QTMAN: variants seen among roughly 807,000 people sequenced by gnomAD.
The protein encoded by QTMAN is queuosine-tRNA mannosyltransferase.
At chr2:144,218,104 C>T in the QTMAN span, among the ~76,000 whole-genome samples, 2 of 152,098 alleles carry the variant, frequency 1.3e-5, no homozygotes, top group Non-Finnish European at 2.9e-5. Context: ...TAGCAATGGC[C>T]GTGACGATTT....
At chr2:144,094,150 A>G in the QTMAN span, among the ~76,000 whole-genome samples, 1 of 152,206 alleles carries the variant, frequency 6.6e-6, no homozygotes, top group African/African-American at 2.4e-5. Context: ...AAATGTCAAG[A>G]TGTGATTTTG....
At chr2:144,153,479 G>A in the QTMAN span, among the ~76,000 whole-genome samples, 1 of 152,162 alleles carries the variant, frequency 6.6e-6, no homozygotes, top group South Asian at 2.1e-4. Context: ...GGAGGCTGAG[G>A]CGGGCGGATC....
At chr2:144,318,922 T>C in the QTMAN span, among the ~76,000 whole-genome samples, 4 of 152,200 alleles carry the variant, frequency 2.6e-5, no homozygotes, top group African/African-American at 9.7e-5. Flanking sequence ...TCAAATACTC[T>C]ATTACTGGTA....
the QTMAN span, among the ~76,000 whole-genome samples, chr2:144,023,929 T>A: frequency 6.6e-6 from 1 of 152,240 alleles, no homozygotes; most frequent in Non-Finnish European, 1.5e-5. Flanking sequence ...TAAAGTATAG[T>A]GTATATCATC....
At chr2:144,272,725 A>G in the QTMAN span, among the ~76,000 whole-genome samples, 6 of 151,976 alleles carry the variant, frequency 3.9e-5, no homozygotes, top group East Asian at 5.8e-4. Flanking sequence ...GTGTGTGTGT[A>G]TGTGTGTGTG....
At chr2:144,205,380 C>G in the QTMAN span, among the ~76,000 whole-genome samples, 1 of 152,114 alleles carries the variant, frequency 6.6e-6, no homozygotes, top group South Asian at 2.1e-4. Context: ...AAAATCAAAC[C>G]ACTTTGCTGG....
the QTMAN span, among the ~76,000 whole-genome samples, chr2:144,057,775 A>T: frequency 6.6e-6 from 1 of 152,156 alleles, no homozygotes. Context: ...ATGTGAAGAA[A>T]CTCCCACATG....
the QTMAN span, among the ~76,000 whole-genome samples, chr2:144,166,310 C>T: frequency 2.0e-5 from 3 of 152,206 alleles, no homozygotes; most frequent in African/African-American, 7.2e-5. Context: ...GTTGTCATTA[C>T]CCCTGCAAGA....
the QTMAN span, among the ~76,000 whole-genome samples, chr2:144,290,830 A>G: frequency 6.6e-6 from 1 of 152,290 alleles, no homozygotes; most frequent in Middle Eastern, 3.4e-3. Flanking sequence ...TACTGCAACC[A>G]GACCCCTATA....
the QTMAN span, among the ~76,000 whole-genome samples, chr2:144,003,614 T>C: frequency 2.6e-5 from 4 of 152,040 alleles, no homozygotes; most frequent in Non-Finnish European, 4.4e-5. Flanking sequence ...ATTTATCTAC[T>C]GTCAGCAGAT....
the QTMAN span, among the ~76,000 whole-genome samples, chr2:144,329,742 C>A: frequency 6.6e-6 from 1 of 152,162 alleles, no homozygotes; most frequent in Non-Finnish European, 1.5e-5. Context: ...GGAATTCAAC[C>A]TAACAGCGTA....
chr2:144,182,996 T>C, the QTMAN span, among the ~76,000 whole-genome samples: 2 of 143,948 alleles, frequency 1.4e-5, no homozygotes, highest in African/African-American at 2.5e-5. Flanking sequence ...AGCAATACTT[T>C]AAAAGATTTC....
chr2:143,969,915 T>A, the QTMAN span, among the ~76,000 whole-genome samples: 3 of 152,242 alleles, frequency 2.0e-5, no homozygotes, highest in African/African-American at 7.2e-5. Flanking sequence ...TTAGGAGTCA[T>A]AATGCACAAT....
At chr2:143,972,552 A>G in the QTMAN span, among the ~76,000 whole-genome samples, 2 of 152,128 alleles carry the variant, frequency 1.3e-5, no homozygotes, top group African/African-American at 4.8e-5. Flanking sequence ...TCCAATGTGA[A>G]TATTTTCAAA....
the QTMAN span, among the ~76,000 whole-genome samples, chr2:144,059,527 T>C: frequency 3.9e-5 from 6 of 152,268 alleles, no homozygotes; most frequent in African/African-American, 1.4e-4. Context: ...GAATGCACAG[T>C]TGGGGAAAAG....
the QTMAN span, among the ~76,000 whole-genome samples, chr2:144,179,117 C>T: frequency 6.6e-6 from 1 of 152,108 alleles, no homozygotes; most frequent in Non-Finnish European, 1.5e-5. Flanking sequence ...AGAATTGAGT[C>T]CCTGAGATAA....
At chr2:144,208,139 C>A in the QTMAN span, among the ~76,000 whole-genome samples, 2 of 152,150 alleles carry the variant, frequency 1.3e-5, no homozygotes, top group Admixed American at 1.3e-4. Context: ...ACCAACTCTA[C>A]AAAGCCACTT....
At chr2:144,327,956 ATTTAT>A in the QTMAN span, among the ~76,000 whole-genome samples, 1 of 152,032 alleles carries the variant, frequency 6.6e-6, no homozygotes, top group Admixed American at 6.6e-5. Flanking sequence ...TTATTTATTT[ATTTAT>A]TTATTTTGGA....
the QTMAN span, among the ~76,000 whole-genome samples, chr2:143,974,499 T>C: frequency 6.6e-6 from 1 of 152,156 alleles, no homozygotes; most frequent in Non-Finnish European, 1.5e-5. Flanking sequence ...CATGCAGCCA[T>C]TAAAAAAATG....
Sources: allele counts gnomAD v4.1 joint callset (sites outside exome capture counted in the v4.1 genomes callset), GRCh38; gene constraint gnomAD v4.1.1; transcripts MANE v1.5; gene names NCBI Gene and HGNC (gene_info 2026-07-23, HGNC 2026-07-21).